Variants in AKT3 observed in about 807,000 individuals in gnomAD.
AKT3 encodes the protein AKT serine/threonine kinase 3.
In AKT3, 15 loss-of-function variants were observed where a neutral mutation model predicts 65.3. The observed-to-expected ratio is 0.23, with a 90% CI of 0.15 to 0.35. AKT3 has a LOEUF of 0.35. AKT3 is among the 10% of genes least tolerant of loss of function. The pLI is 1.00. For synonymous variants in AKT3, 206 were observed against 183.8 expected (o/e 1.12, Z -0.98); for missense variants, 243 against 576.5 (o/e 0.42, Z 5.92).
chr1:243,621,248 C>T (rs1363116476), intron 6 of AKT3, among the ~76,000 whole-genome samples: 1 of 152,180 alleles, frequency 6.6e-6, no homozygotes, highest in Non-Finnish European at 1.5e-5. Flanking sequence ...CTCAGCCTCA[C>T]TCGTTCACAC....
At chr1:243,778,900 T>C (rs752926031) in intron 2 of AKT3, among the ~76,000 whole-genome samples, 6 of 150,696 alleles carry the variant, frequency 4.0e-5, no homozygotes, top group Non-Finnish European at 8.8e-5. Flanking sequence ...ATTTTCCATA[T>C]AAATACTATT....
At chr1:243,732,210 G>A (rs185984498) in intron 2 of AKT3, among the ~76,000 whole-genome samples, 15 of 152,188 alleles carry the variant, frequency 9.9e-5, no homozygotes, top group Non-Finnish European at 1.0e-4. Flanking sequence ...GTCAGGACTT[G>A]GGCAATGACA....
intron 1 of AKT3, among the ~76,000 whole-genome samples, chr1:243,848,718 A>G (rs1695618671): frequency 6.6e-6 from 1 of 152,258 alleles, no homozygotes. Context: ...AACTACAAAA[A>G]GCCATTATTT....
At chr1:243,845,588 CAAAAAA>C (rs10648820) in intron 1 of AKT3, among the ~76,000 whole-genome samples, 2 of 79,370 alleles carry the variant, frequency 2.5e-5, no homozygotes, top group African/African-American at 5.1e-5. Context: ...GAACCTGTCT[CAAAAAA>C]AAAAAAAAAG....
intron 3 of AKT3, among the ~76,000 whole-genome samples, chr1:243,694,934 C>T (rs557827765): frequency 1.3e-5 from 2 of 151,986 alleles, no homozygotes; most frequent in East Asian, 3.9e-4. Flanking sequence ...AAACACTTTA[C>T]TTCTAAATTA....
intron 2 of AKT3, chr1:243,735,673 TG>T (rs887253797): frequency 5.3e-5 from 8 of 152,176 alleles, no homozygotes; most frequent in African/African-American, 1.9e-4. Flanking sequence ...TTCTCATAGT[TG>T]ATATGAGTTG....
chr1:243,747,517 C>A (rs1159618709), intron 2 of AKT3, among the ~76,000 whole-genome samples: 35 of 152,142 alleles, frequency 2.3e-4, no homozygotes, highest in Non-Finnish European at 2.9e-5. Context: ...CTCTCTTGTA[C>A]TTGTATTCTA....
chr1:243,707,304 G>C (rs900012183), intron 2 of AKT3, among the ~76,000 whole-genome samples: 1 of 152,108 alleles, frequency 6.6e-6, no homozygotes, highest in African/African-American at 2.4e-5. Context: ...AGGAGGTATT[G>C]ATTTTTTGTG....
chr1:243,570,777 C>A (rs1385951042), intron 9 of AKT3, among the ~76,000 whole-genome samples: 1 of 152,032 alleles, frequency 6.6e-6, no homozygotes, highest in African/African-American at 2.4e-5. Flanking sequence ...CTAGGTGTAC[C>A]TTTACAGTTT....
At chr1:243,750,077 T>C (rs1190138570) in intron 2 of AKT3, among the ~76,000 whole-genome samples, 1 of 152,202 alleles carries the variant, frequency 6.6e-6, no homozygotes, top group East Asian at 1.9e-4. Context: ...CTTGAGCAAA[T>C]AAAGAGGCGA....
downstream of AKT3, among the ~76,000 whole-genome samples, chr1:243,496,617 C>T (rs956791141): frequency 1.3e-4 from 20 of 152,164 alleles, no homozygotes; most frequent in Non-Finnish European, 2.4e-4. Flanking sequence ...AAGTGCGAAG[C>T]CCGGGCAGGT....
At chr1:243,656,884 T>C (rs1231129939) in intron 4 of AKT3, among the ~76,000 whole-genome samples, 1 of 152,166 alleles carries the variant, frequency 6.6e-6, no homozygotes, top group Non-Finnish European at 1.5e-5. Flanking sequence ...ATAAAGTACA[T>C]ATACAAATCA....
chr1:243,565,989 A>T (rs555415837), intron 9 of AKT3, among the ~76,000 whole-genome samples: 11 of 152,336 alleles, frequency 7.2e-5, no homozygotes, highest in African/African-American at 1.9e-4. Context: ...ATGTGAATGT[A>T]CTTTTTACAC....
At chr1:243,719,139 G>T (rs1158411032) in intron 2 of AKT3, among the ~76,000 whole-genome samples, 4 of 152,100 alleles carry the variant, frequency 2.6e-5, no homozygotes, top group Non-Finnish European at 5.9e-5. Flanking sequence ...TGTCAAGACA[G>T]TCATTGCAAA....
At chr1:243,683,919 T>C (rs920687871) in intron 3 of AKT3, among the ~76,000 whole-genome samples, 1 of 152,118 alleles carries the variant, frequency 6.6e-6, no homozygotes, top group African/African-American at 2.4e-5. Context: ...AAGGATTTTA[T>C]TACTTTAAGA....
At chr1:243,613,785 C>A (rs894443145) in intron 7 of AKT3, 46 bp from the exon 8 acceptor site, 52 of 1,237,684 alleles carry the variant, frequency 4.2e-5, no homozygotes, top group Non-Finnish European at 5.8e-5. Flanking sequence ...ATCCTGTATT[C>A]TTATAATTAT....
At chr1:243,839,202 T>C (rs569973860) in intron 2 of AKT3, among the ~76,000 whole-genome samples, 2 of 152,204 alleles carry the variant, frequency 1.3e-5, no homozygotes, top group Non-Finnish European at 2.9e-5. Context: ...ACTGGCTAAA[T>C]TTCCTACTTT....
intron 12 of AKT3, among the ~76,000 whole-genome samples, chr1:243,527,926 CACACACACACAG>C (rs1266720622): frequency 0.089 from 5,334 of 59,984 alleles, 106 homozygotes; most frequent in Non-Finnish European, 0.13. Flanking sequence ...CACACACACA[CACACACACACAG>C]AGAGAGAGAG....
At chr1:243,691,783 C>T (rs74886561) in intron 3 of AKT3, among the ~76,000 whole-genome samples, 248 of 152,198 alleles carry the variant, frequency 1.6e-3, no homozygotes, top group African/African-American at 5.8e-3. Context: ...AACAGAGTAA[C>T]CTAATGCTCA....
Sources: gnomAD v4.1 joint callset for allele counts (sites outside exome capture counted in the v4.1 genomes callset) on GRCh38, gnomAD v4.1.1 for gene constraint, MANE v1.5 for transcripts, NCBI Gene and HGNC (gene_info 2026-07-23, HGNC 2026-07-21) for gene names.